The following RBMS3 variants were observed in gnomAD, a reference collection of about 807,000 sequenced individuals.
The protein encoded by RBMS3 is RNA-binding motif, single-stranded-interacting protein 3.
Under a neutral mutation model 66.8 loss-of-function variants are expected in RBMS3, and 27 were observed. That is an observed-to-expected ratio of 0.40 (90% confidence interval 0.30 to 0.56). The LOEUF is 0.56. RBMS3 is among the 20% of genes least tolerant of loss of function. The probability of loss-of-function intolerance (pLI) is 0.40; values close to 1 mark genes in which losing one functional copy is unlikely to be tolerated. For synonymous variants in RBMS3, 188 were observed against 183.0 expected, an observed-to-expected ratio of 1.03 and a Z score of -0.22; for missense variants, 513 against 549.5, an observed-to-expected ratio of 0.93 and a Z score of 0.66.
intron 14 of RBMS3, among the ~76,000 whole-genome samples, chr3:30,002,911 C>G (rs1369446168): frequency 6.6e-6 from 1 of 151,988 alleles, no homozygotes; most frequent in African/African-American, 2.4e-5. Flanking sequence ...CCCACTCCCT[C>G]AATCATACAT....
chr3:29,552,975 T>A (rs1446526572), intron 3 of RBMS3, among the ~76,000 whole-genome samples: 4 of 152,108 alleles, frequency 2.6e-5, no homozygotes, highest in African/African-American at 9.7e-5. Flanking sequence ...TAACCCTGGG[T>A]AGGTTAACTT....
intron 4 of RBMS3, among the ~76,000 whole-genome samples, chr3:29,675,671 G>T (rs2051216246): frequency 6.6e-6 from 1 of 152,106 alleles, no homozygotes; most frequent in South Asian, 2.1e-4. Flanking sequence ...ACAGACACAT[G>T]AAAAAATGCT....
chr3:29,995,014 A>G (rs1387920984), intron 14 of RBMS3, among the ~76,000 whole-genome samples: 3 of 151,938 alleles, frequency 2.0e-5, no homozygotes, highest in Admixed American at 6.6e-5. Flanking sequence ...CAAAGAAGTC[A>G]AAAACTTTGA....
At chr3:29,478,641 A>G (rs1016197064) in intron 2 of RBMS3, among the ~76,000 whole-genome samples, 1 of 152,218 alleles carries the variant, frequency 6.6e-6, no homozygotes, top group Non-Finnish European at 1.5e-5. Context: ...ATGGTTACAT[A>G]TGTTGCAGAT....
At chr3:29,666,270 A>G (rs1311525896) in intron 4 of RBMS3, among the ~76,000 whole-genome samples, 12 of 152,188 alleles carry the variant, frequency 7.9e-5, no homozygotes, top group Admixed American at 3.3e-4. Context: ...ATTACAGCAC[A>G]TATATTAAGT....
chr3:29,903,707 T>G (rs1226420622), intron 10 of RBMS3, among the ~76,000 whole-genome samples: 1 of 151,994 alleles, frequency 6.6e-6, no homozygotes, highest in South Asian at 2.1e-4. Context: ...GTTCTTGATA[T>G]GGGTAGTGTT....
At chr3:29,414,061 G>T (rs1299041958) in intron 1 of RBMS3, among the ~76,000 whole-genome samples, 5 of 152,182 alleles carry the variant, frequency 3.3e-5, no homozygotes, top group East Asian at 3.9e-4. Context: ...TTTTCTCCTT[G>T]CGCGGGAGTC....
intron 4 of RBMS3, among the ~76,000 whole-genome samples, chr3:29,706,376 A>G (rs2052893194): frequency 6.6e-6 from 1 of 152,202 alleles, no homozygotes; most frequent in Admixed American, 6.5e-5. Flanking sequence ...AAGGAGGGCT[A>G]TGATATTGTC....
chr3:29,692,001 G>T (rs1283919517), intron 4 of RBMS3, among the ~76,000 whole-genome samples: 1 of 131,512 alleles, frequency 7.6e-6, no homozygotes, highest in African/African-American at 2.9e-5. Context: ...CCAGGCTGGA[G>T]TGCAATGGCA....
intron 1 of RBMS3, among the ~76,000 whole-genome samples, chr3:29,322,675 G>T (rs907947340): frequency 1.3e-5 from 2 of 151,924 alleles, no homozygotes. Flanking sequence ...TTTCAGGAAA[G>T]ATGGCATATA....
rs1049198503 is a variant in RBMS3 at position 30,010,150 on chromosome 3, ATCAT to A, written c.*6292_*6295del. 5.8e-4 allele frequency: 88 copies of A among 151,978 alleles called. 1 individual carries two copies. The highest frequency in any genetic ancestry group is 2.0e-3 in the African/African-American group (85 of 41,498). 9.4% of individuals were successfully genotyped at this position (151,978 alleles called of 1,614,324 possible). A position where few individuals can be genotyped will look rare whatever the true frequency, so the allele number is the denominator to read the frequency against. On this transcript the variant is annotated 3_prime_UTR_variant, in exon 15 of 15. Transcript: ENST00000383767. ...TTCAACTTCATGGAACTTCTGAAAC[ATCAT>A]TCAATTTTGAACTTTATTTAAGAGC... is the stretch of plus-strand genomic sequence containing the variant.
At chr3:29,477,441 G>A (rs2042984128) in intron 2 of RBMS3, among the ~76,000 whole-genome samples, 1 of 138,782 alleles carries the variant, frequency 7.2e-6, no homozygotes, top group Admixed American at 7.7e-5. Context: ...CCTGTGTGTA[G>A]GGTCAGGGAT....
In RBMS3 at chr3:29,816,328, A is replaced by G. The variant is rs1003269610; in HGVS notation, c.638-52530A>G. Among the ~76,000 whole-genome samples, 6 of 151,410 alleles carry G rather than the reference A, an allele frequency of 4.0e-5. No individual in the cohort carries two copies. In the East Asian group the frequency reaches 9.8e-4, roughly 25 times the overall value. ...CACACACAGACACACACACACACACACACACACACACACACACACACATTT... is the reference window on the plus strand; with the variant it reads ...CACACACAGACACACACACACACACGCACACACACACACACACACACATTT... On this transcript the variant is annotated intron_variant, in intron 6 of 14. Transcript: ENST00000383767.
intron 8 of RBMS3, among the ~76,000 whole-genome samples, chr3:29,886,441 G>A (rs918193263): frequency 2.6e-5 from 4 of 151,798 alleles, no homozygotes; most frequent in Admixed American, 2.0e-4. Flanking sequence ...AGGACAAAGG[G>A]AAGGCTATAT....
chr3:29,956,469 C>A (rs1355599227), intron 12 of RBMS3, among the ~76,000 whole-genome samples: 2 of 152,048 alleles, frequency 1.3e-5, no homozygotes, highest in Non-Finnish European at 2.9e-5. Context: ...TCTGCCATTC[C>A]TTTTATCCCT....
At chr3:29,823,189 C>T (rs2149477494) in intron 6 of RBMS3, among the ~76,000 whole-genome samples, 1 of 152,204 alleles carries the variant, frequency 6.6e-6, no homozygotes, top group Non-Finnish European at 1.5e-5. Flanking sequence ...GAACACAGTC[C>T]TATACCCCCC....
At chr3:29,595,837 C>A (rs187436207) in intron 4 of RBMS3, among the ~76,000 whole-genome samples, 2 of 152,236 alleles carry the variant, frequency 1.3e-5, no homozygotes, top group Admixed American at 6.5e-5. Context: ...ACAGGGAGTG[C>A]CGGACAACCA....
At chr3:29,908,850 C>T (rs2060448467) in intron 10 of RBMS3, among the ~76,000 whole-genome samples, 1 of 151,858 alleles carries the variant, frequency 6.6e-6, no homozygotes, top group East Asian at 1.9e-4. Context: ...TGTAGAAAAA[C>T]ATTATATGCT....
intron 1 of RBMS3, among the ~76,000 whole-genome samples, chr3:29,388,483 C>T (rs1190001035): frequency 1.3e-5 from 2 of 152,166 alleles, no homozygotes; most frequent in Non-Finnish European, 2.9e-5. Context: ...TCCAGGAAGG[C>T]CACGTTAAAG....
Sources: gnomAD v4.1 joint callset for allele counts (sites outside exome capture counted in the v4.1 genomes callset) on GRCh38, gnomAD v4.1.1 for gene constraint, MANE v1.5 for transcripts, NCBI Gene and HGNC (gene_info 2026-07-23, HGNC 2026-07-21) for gene names.